Variants in ST3GAL2 observed in about 807,000 individuals in gnomAD.
ST3GAL2 encodes the protein ST3 beta-galactoside alpha-2,3-sialyltransferase 2.
Under a neutral mutation model 37.5 loss-of-function variants are expected in ST3GAL2, and 16 were observed. The ratio of observed to expected loss-of-function variants is 0.43; its 90% confidence interval spans 0.29 to 0.65. The LOEUF (loss-of-function observed/expected upper bound fraction) is 0.65. Ranked by LOEUF, ST3GAL2 falls within the 30% of genes least tolerant of loss-of-function variation. The probability of loss-of-function intolerance (pLI) is 0.17; values close to 1 mark genes in which losing one functional copy is unlikely to be tolerated. For missense variants in ST3GAL2, 383 were observed against 487.8 expected (o/e 0.79, Z 2.02); for synonymous variants, 238 against 202.9 (o/e 1.17, Z -1.47).
chr16:70,430,912 C>T (rs2047785377), intron 1 of ST3GAL2, among the ~76,000 whole-genome samples: 1 of 152,098 alleles, frequency 6.6e-6, no homozygotes, highest in South Asian at 2.1e-4. Flanking sequence ...CTTTCACTTC[C>T]CCCTGAAACT....
intron 1 of ST3GAL2, among the ~76,000 whole-genome samples, chr16:70,405,017 G>C (rs956374973): frequency 2.7e-5 from 4 of 146,972 alleles, no homozygotes; most frequent in African/African-American, 1.0e-4. Flanking sequence ...TGGCGACAGA[G>C]TGAGACTCCA....
intron 1 of ST3GAL2, among the ~76,000 whole-genome samples, chr16:70,430,483 T>C (rs573433531): frequency 1.3e-5 from 2 of 152,358 alleles, no homozygotes; most frequent in African/African-American, 4.8e-5. Context: ...CTGCTTCCCA[T>C]GCCACAGCCT....
chr16:70,399,303 C>G lies in ST3GAL2; in HGVS notation c.-773G>C. The G allele has an allele frequency of 2.5e-6, 1 of 398,864 alleles. No individual in the cohort carries two copies. Among genetic ancestry groups the G allele is most frequent in the Non-Finnish European group, 4.4e-6 (1 of 226,262 alleles). 24.7% of individuals were successfully genotyped at this position (398,864 alleles called of 1,614,324 possible). On this transcript the variant is annotated 5_prime_UTR_variant, in exon 2 of 7. Coordinates refer to ENST00000342907, the MANE Select transcript of ST3GAL2 (RefSeq NM_006927.4). ...GCTCCTACTGTGGCTGTGGGGTCCTCTGGCGCTGGGAACAGCTGCTGTTCA... is the reference window on the plus strand; with the variant it reads ...GCTCCTACTGTGGCTGTGGGGTCCTGTGGCGCTGGGAACAGCTGCTGTTCA...
intron 3 of ST3GAL2, among the ~76,000 whole-genome samples, chr16:70,390,930 T>G (rs572372521): frequency 4.6e-5 from 7 of 152,316 alleles, no homozygotes; most frequent in Admixed American, 1.3e-4. Flanking sequence ...TGTGGAATCA[T>G]GACTACCAAA....
In ST3GAL2 at chr16:70,388,416, G is replaced by A. The variant is rs747701182; in HGVS notation, c.664C>T (p.Leu222=). The A allele has an allele frequency of 1.3e-5, 21 of 1,614,210 alleles. No homozygotes were observed. The highest frequency in any genetic ancestry group is 1.8e-5 in the Non-Finnish European group (21 of 1,180,046). ...VSFVLVPFKV[L]DLLWIASALS... is the part of the protein sequence containing the mutation. ...GCGCTGGCGATCCACAGAAGGTCCA[G>A]GACCTTGAAGGGCACCAGCACGAAG... Residue 222 remains leucine (L), a synonymous_variant, in exon 4 of 7, where the codon CTG becomes TTG. Transcript: ENST00000342907.
rs1018426473 is a variant in ST3GAL2, at chr16:70,427,355, T to C, written c.-1004+11594A>G. Among the ~76,000 whole-genome samples the C allele has an allele frequency of 1.7e-3, 258 of 150,970 alleles. 2 individuals are homozygous for C. The highest frequency in any genetic ancestry group is 2.8e-3 in the Non-Finnish European group (188 of 67,670). On this transcript the variant is annotated intron_variant, in intron 1 of 6. Transcript: ENST00000342907. ...CCAGTCTTCTTTTTTTTTTTTTTTT[T>C]TGAGACTGAATCTCACTCTGTCGCC...
intron 1 of ST3GAL2, among the ~76,000 whole-genome samples, chr16:70,422,505 G>A (rs141826514): frequency 6.6e-6 from 1 of 152,266 alleles, no homozygotes; most frequent in African/African-American, 2.4e-5. Flanking sequence ...GGAGAGAAAT[G>A]GCTGTCAGCA....
intron 1 of ST3GAL2, among the ~76,000 whole-genome samples, chr16:70,415,019 G>T (rs768790008): frequency 6.6e-6 from 1 of 152,058 alleles, no homozygotes; most frequent in African/African-American, 2.4e-5. Flanking sequence ...GACTACAGGC[G>T]TCCGCCACCA....
rs552086198 is a variant in ST3GAL2, at chr16:70,387,260, G to A, written c.713+1107C>T. 1.0e-3 allele frequency among the ~76,000 whole-genome samples: 152 copies of A among 146,854 alleles called. 1 individual carries two copies. Among genetic ancestry groups the A allele is most frequent in the African/African-American group, 3.0e-3 (120 of 39,750 alleles). On this transcript the variant is annotated intron_variant, in intron 4 of 6. Coordinates refer to ENST00000342907, the MANE Select transcript of ST3GAL2 (RefSeq NM_006927.4). ...AACGGAATGAGACTCCGTTTCAAAA[G>A]AAATTAATTGTGGGCCGGATGTGGT...
intron 4 of ST3GAL2, among the ~76,000 whole-genome samples, chr16:70,388,125 AAAAC>A (rs2047455595): frequency 6.6e-6 from 1 of 151,694 alleles, no homozygotes; most frequent in South Asian, 2.1e-4. Context: ...AAAAAAAAAA[AAAAC>A]AAACAAAAAA....
At chr16:70,397,417 T>C (rs2047524521) in intron 2 of ST3GAL2, among the ~76,000 whole-genome samples, 1 of 151,950 alleles carries the variant, frequency 6.6e-6, no homozygotes, top group African/African-American at 2.4e-5. Context: ...AGGGGCTCTG[T>C]TCTCATGGTA....
In ST3GAL2 at chr16:70,427,333, G is replaced by A. The variant is rs796093956; in HGVS notation, c.-1004+11616C>T. ...AAGCCCCTCAAGCCCCTCAAACCCA[G>A]TCTTCTTTTTTTTTTTTTTTTTTGA... On this transcript the variant is annotated intron_variant, in intron 1 of 6. Transcript: ENST00000342907. Among the ~76,000 whole-genome samples, 36 of 145,500 alleles carry A rather than the reference G, an allele frequency of 2.5e-4. 1 individual carries two copies. The highest frequency in any genetic ancestry group is 9.1e-4 in the African/African-American group (35 of 38,548).
At chr16:70,405,968 G>C (rs1477709759) in intron 1 of ST3GAL2, among the ~76,000 whole-genome samples, 1 of 151,994 alleles carries the variant, frequency 6.6e-6, no homozygotes, top group Non-Finnish European at 1.5e-5. Context: ...GGCTGAGGCA[G>C]GAGAATGGCG....
chr16:70,387,277 G>A (rs1457877383), intron 4 of ST3GAL2, among the ~76,000 whole-genome samples: 1 of 151,784 alleles, frequency 6.6e-6, no homozygotes, highest in Non-Finnish European at 1.5e-5. Flanking sequence ...ATTGTGGGCC[G>A]GATGTGGTGG....
chr16:70,390,482 G>A (rs185114774), intron 3 of ST3GAL2, among the ~76,000 whole-genome samples: 18 of 152,340 alleles, frequency 1.2e-4, no homozygotes, highest in African/African-American at 3.8e-4. Context: ...AAGATAGGAA[G>A]TTCAAGCCTT....
chr16:70,407,197 G>A (rs1419002495), intron 1 of ST3GAL2, among the ~76,000 whole-genome samples: 1 of 150,868 alleles, frequency 6.6e-6, no homozygotes, highest in African/African-American at 2.4e-5. Flanking sequence ...CTGGAGTGCA[G>A]TGGCGCAATA....
intron 2 of ST3GAL2, among the ~76,000 whole-genome samples, chr16:70,396,643 T>C (rs1325532736): frequency 2.6e-5 from 4 of 152,342 alleles, no homozygotes; most frequent in African/African-American, 9.6e-5. Context: ...GCCCCAGCTC[T>C]GCAGACCCTG....
In ST3GAL2 at chr16:70,398,312, G is replaced by T. The variant is rs1418728218; in HGVS notation, c.219C>A (p.Arg73=). ...ERLSGKSCAC[R]RCMGDAGASD... ...AGGCACCGGCATCGCCCATGCAGCGGCGACAGGCACAGCTCTTGCCCGAGA... is the reference window on the plus strand; with the variant it reads ...AGGCACCGGCATCGCCCATGCAGCGTCGACAGGCACAGCTCTTGCCCGAGA... Residue 73 remains arginine, a synonymous_variant, in exon 2 of 7, where the codon CGC becomes CGA. Transcript: ENST00000342907. 1 of 1,613,408 alleles carries T rather than the reference G, an allele frequency of 6.2e-7. No homozygotes were observed. Among genetic ancestry groups the T allele is most frequent in the Non-Finnish European group, 8.5e-7 (1 of 1,180,040 alleles).
chr16:70,437,345 A>AG (rs1227844525), intron 1 of ST3GAL2, among the ~76,000 whole-genome samples: 2 of 152,114 alleles, frequency 1.3e-5, no homozygotes, highest in Non-Finnish European at 2.9e-5. Context: ...AGGGCTGGGA[A>AG]GGGGGTTGCT....
Sources: gnomAD v4.1 joint callset for allele counts (sites outside exome capture counted in the v4.1 genomes callset) on GRCh38, gnomAD v4.1.1 for gene constraint, MANE v1.5 for transcripts, NCBI Gene and HGNC (gene_info 2026-07-23, HGNC 2026-07-21) for gene names.